The following NTM variants were observed in gnomAD, a reference collection of about 807,000 sequenced individuals.
NTM encodes IgLON family member 2.
Under a neutral mutation model 42.1 loss-of-function variants are expected in NTM, and 13 were observed. That is an observed-to-expected ratio of 0.31 (90% CI 0.20 to 0.49). NTM has a LOEUF of 0.49. Among genes scored for constraint, NTM ranks in the 20% least tolerant of loss-of-function variants. NTM has a pLI of 0.99. For missense variants in NTM, 373 were observed against 452.8 expected (o/e 0.82, Z 1.60); for synonymous variants, 187 against 179.2 (o/e 1.04, Z -0.35).
chr11:131,873,817 C>T (rs145643330), intron 1 of NTM, among the ~76,000 whole-genome samples: 3,160 of 141,622 alleles, frequency 0.022, 144 homozygotes, highest in African/African-American at 0.078. Flanking sequence ...TTGCCCCCAT[C>T]CCCCAACAGG....
intron 1 of NTM, among the ~76,000 whole-genome samples, chr11:131,519,009 T>A (rs2049251735): frequency 6.6e-6 from 1 of 152,236 alleles, no homozygotes; most frequent in African/African-American, 2.4e-5. Context: ...AAACAAACTA[T>A]AATGCCTTTA....
intron 4 of NTM, among the ~76,000 whole-genome samples, chr11:132,227,168 T>C (rs2086485259): frequency 6.6e-6 from 1 of 152,152 alleles, no homozygotes; most frequent in Non-Finnish European, 1.5e-5. Context: ...AGGAAAAGGA[T>C]GATCCAGCAA....
chr11:132,188,826 T>C (rs2078843240), intron 3 of NTM, among the ~76,000 whole-genome samples: 1 of 152,212 alleles, frequency 6.6e-6, no homozygotes, highest in Non-Finnish European at 1.5e-5. Flanking sequence ...AATCTAGACC[T>C]ATAGCACTGC....
At chr11:132,074,373 A>G (rs894401343) in intron 2 of NTM, among the ~76,000 whole-genome samples, 1 of 152,190 alleles carries the variant, frequency 6.6e-6, no homozygotes, top group African/African-American at 2.4e-5. Context: ...ATAAAGAAAT[A>G]TGGGGATTGA....
At chr11:131,442,301 C>G (rs1169190946) in intron 1 of NTM, among the ~76,000 whole-genome samples, 2 of 152,126 alleles carry the variant, frequency 1.3e-5, no homozygotes, top group Non-Finnish European at 2.9e-5. Context: ...ATTGTGTGAT[C>G]CATCTATGTT....
chr11:132,013,000 T>C (rs2072572746), intron 2 of NTM, among the ~76,000 whole-genome samples: 2 of 152,236 alleles, frequency 1.3e-5, no homozygotes, highest in Middle Eastern at 6.8e-3. Flanking sequence ...TTGGGATGCT[T>C]ATGAGATATC....
chr11:131,422,616 A>G (rs1416519693), intron 1 of NTM, among the ~76,000 whole-genome samples: 1 of 152,206 alleles, frequency 6.6e-6, no homozygotes, highest in Non-Finnish European at 1.5e-5. Context: ...TCCAAATCAT[A>G]CAGAACCTGA....
intron 2 of NTM, among the ~76,000 whole-genome samples, chr11:132,137,019 T>C (rs1256952342): frequency 1.3e-5 from 2 of 152,220 alleles, no homozygotes; most frequent in Non-Finnish European, 2.9e-5. Context: ...ATCTATACTG[T>C]TCTTCCTAGT....
intron 1 of NTM, among the ~76,000 whole-genome samples, chr11:131,397,148 A>G (rs1259060023): frequency 6.6e-6 from 1 of 152,222 alleles, no homozygotes; most frequent in South Asian, 2.1e-4. Context: ...AAACACAAAT[A>G]TATGAGGAAA....
intron 1 of NTM, among the ~76,000 whole-genome samples, chr11:131,449,770 C>A (rs1950344173): frequency 6.6e-6 from 1 of 152,208 alleles, no homozygotes; most frequent in South Asian, 2.1e-4. Context: ...ACTGGAGAGG[C>A]CTTGGAAGCC....
intron 1 of NTM, among the ~76,000 whole-genome samples, chr11:131,656,144 G>A (rs545916901): frequency 1.3e-5 from 2 of 152,340 alleles, no homozygotes; most frequent in Non-Finnish European, 2.9e-5. Flanking sequence ...CTAGGGCATA[G>A]AGGAGACATG....
intron 1 of NTM, among the ~76,000 whole-genome samples, chr11:131,758,577 C>T (rs1465984923): frequency 1.3e-5 from 2 of 150,988 alleles, no homozygotes; most frequent in Admixed American, 6.6e-5. Context: ...TCCTTCCTTC[C>T]TTTTTTTCTT....
At chr11:132,175,434 T>C (rs1305310015) in intron 3 of NTM, among the ~76,000 whole-genome samples, 1 of 152,202 alleles carries the variant, frequency 6.6e-6, no homozygotes, top group African/African-American at 2.4e-5. Context: ...ATTTGGAATA[T>C]ACTAGAACCT....
chr11:131,439,882 C>G (rs1949467935), intron 1 of NTM, among the ~76,000 whole-genome samples: 1 of 150,744 alleles, frequency 6.6e-6, no homozygotes, highest in African/African-American at 2.4e-5. Flanking sequence ...AGTCACCCAT[C>G]TTCTGCATTG....
intron 1 of NTM, among the ~76,000 whole-genome samples, chr11:131,820,782 G>A (rs568241770): frequency 3.0e-4 from 46 of 152,250 alleles, no homozygotes; most frequent in African/African-American, 1.1e-3. Context: ...TTTTCACTTG[G>A]TAAATGAGCT....
At chr11:131,615,609 A>T (rs2061850485) in intron 1 of NTM, among the ~76,000 whole-genome samples, 1 of 152,042 alleles carries the variant, frequency 6.6e-6, no homozygotes, top group Admixed American at 6.6e-5. Context: ...ACCTCAAGTG[A>T]TCCACCCTCC....
chr11:131,611,838 T>C (rs2061491201), intron 1 of NTM, among the ~76,000 whole-genome samples: 1 of 152,216 alleles, frequency 6.6e-6, no homozygotes, highest in African/African-American at 2.4e-5. Context: ...TTTACTTACA[T>C]ATCTGTGTTC....
intron 2 of NTM, among the ~76,000 whole-genome samples, chr11:132,079,740 A>C (rs1255495851): frequency 6.6e-6 from 1 of 152,168 alleles, no homozygotes; most frequent in Non-Finnish European, 1.5e-5. Context: ...AATGTTCTGG[A>C]TGGGGTCTGT....
intron 2 of NTM, among the ~76,000 whole-genome samples, chr11:131,933,733 T>C (rs988103775): frequency 6.6e-6 from 1 of 152,074 alleles, no homozygotes; most frequent in Non-Finnish European, 1.5e-5. Flanking sequence ...TGTCTTAATA[T>C]CAAAGTCCCG....
Sources: gnomAD v4.1 joint callset for allele counts (sites outside exome capture counted in the v4.1 genomes callset) on GRCh38, gnomAD v4.1.1 for gene constraint, MANE v1.5 for transcripts, NCBI Gene and HGNC (gene_info 2026-07-23, HGNC 2026-07-21) for gene names.